ARMC3: variants seen among roughly 807,000 people sequenced by gnomAD.
The protein encoded by ARMC3 is armadillo repeat containing 3, also known as armadillo repeat-containing protein 3.
In ARMC3, 74 loss-of-function variants were observed where a neutral mutation model predicts 90.3. That is an observed-to-expected ratio of 0.82 (90% CI 0.68 to 0.99). The LOEUF (loss-of-function observed/expected upper bound fraction) is 0.99. Ranked by LOEUF, ARMC3 falls within the 50% of genes least tolerant of loss-of-function variation. The pLI is 0.00. For synonymous variants in ARMC3, 334 were observed against 361.8 expected (o/e 0.92, Z 0.87); for missense variants, 958 against 1,042.8 (o/e 0.92, Z 1.12).
intron 8 of ARMC3, among the ~76,000 whole-genome samples, chr10:22,976,978 T>A (rs1177344614): frequency 6.6e-6 from 1 of 152,238 alleles, no homozygotes; most frequent in Non-Finnish European, 1.5e-5. Flanking sequence ...TCTTCTATTT[T>A]ACACAAGCAC....
intron 10 of ARMC3, among the ~76,000 whole-genome samples, chr10:22,994,120 G>A (rs1427654585): frequency 6.6e-6 from 1 of 152,212 alleles, no homozygotes. Flanking sequence ...CTGAGCTCAT[G>A]TTAAAAAGAA....
chr10:22,949,421 G>A (rs1385643509), intron 3 of ARMC3, among the ~76,000 whole-genome samples: 1 of 152,144 alleles, frequency 6.6e-6, no homozygotes, highest in African/African-American at 2.4e-5. Context: ...GAAGCTATAA[G>A]ACAGATCCAA....
intron 10 of ARMC3, among the ~76,000 whole-genome samples, chr10:22,986,695 TAAAAC>T (rs780334149): frequency 2.2e-4 from 33 of 152,304 alleles, no homozygotes; most frequent in Non-Finnish European, 4.0e-4. Flanking sequence ...GGCCATTACT[TAAAAC>T]AGAAAGCAAT....
At chr10:22,929,436 A>T (rs1345508790) in intron 1 of ARMC3, among the ~76,000 whole-genome samples, 3 of 152,196 alleles carry the variant, frequency 2.0e-5, no homozygotes, top group Non-Finnish European at 4.4e-5. Context: ...CTCCACAGTG[A>T]AATGTATTAC....
chr10:22,931,166 A>G (rs1385346456), intron 1 of ARMC3, among the ~76,000 whole-genome samples: 1 of 152,134 alleles, frequency 6.6e-6, no homozygotes, highest in African/African-American at 2.4e-5. Context: ...TGACCTCGTG[A>G]TTCGCCCACC....
chr10:22,952,466 A>G (rs1588834477), intron 3 of ARMC3, among the ~76,000 whole-genome samples: 1 of 152,198 alleles, frequency 6.6e-6, no homozygotes, highest in African/African-American at 2.4e-5. Context: ...CAAGACATAA[A>G]TTTCCAAGCT....
At chr10:22,940,875 T>A (rs1455935283) in intron 2 of ARMC3, among the ~76,000 whole-genome samples, 6 of 152,200 alleles carry the variant, frequency 3.9e-5, no homozygotes, top group Non-Finnish European at 5.9e-5. Flanking sequence ...ATGAAAACAT[T>A]TGTCCATAAC....
chr10:22,990,561 A>AT (rs1205518342), intron 10 of ARMC3, among the ~76,000 whole-genome samples: 5 of 152,180 alleles, frequency 3.3e-5, no homozygotes, highest in Non-Finnish European at 5.9e-5. Flanking sequence ...TGAGTGGAAT[A>AT]TATCATTAAA....
intron 3 of ARMC3, among the ~76,000 whole-genome samples, chr10:22,949,224 A>G (rs1165416369): frequency 2.0e-5 from 3 of 152,230 alleles, no homozygotes; most frequent in Admixed American, 2.0e-4. Context: ...ATTGCCCAAG[A>G]AGGTAAAATT....
At position 22,932,161 on chromosome 10, in the gene ARMC3, G is replaced by A. The variant is rs576849796; in HGVS notation, c.48+117G>A. Reference sequence around the variant, plus strand: ...GAATACGCGGTGGCAGAAGTCCAAAGTCTGACTAATGATAAGATTAGTCAG... The same window carrying A: ...GAATACGCGGTGGCAGAAGTCCAAAATCTGACTAATGATAAGATTAGTCAG... On this transcript the variant is annotated intron_variant, in intron 2 of 18. Transcript: ENST00000298032. 42 of 680,212 alleles carry A rather than the reference G, an allele frequency of 6.2e-5. No homozygotes were observed. The South Asian group carries it at 1.0e-3, about 17-fold the overall frequency. 42.1% of individuals were successfully genotyped at this position (680,212 alleles called of 1,614,324 possible). A position where few individuals can be genotyped will look rare whatever the true frequency, so the allele number is the denominator to read the frequency against.
chr10:23,002,998 A>G (rs1366862652), intron 12 of ARMC3, among the ~76,000 whole-genome samples: 2 of 152,242 alleles, frequency 1.3e-5, no homozygotes, highest in Non-Finnish European at 2.9e-5. Flanking sequence ...TTAGATGAAC[A>G]AAGAACTTTT....
intron 8 of ARMC3, among the ~76,000 whole-genome samples, chr10:22,973,333 TA>T (rs1441429498): frequency 4.9e-5 from 7 of 143,726 alleles, no homozygotes; most frequent in Admixed American, 6.9e-5. Flanking sequence ...ATAATAATAA[TA>T]AATCCTAACA....
chr10:22,940,686 A>G (rs1050016821), intron 2 of ARMC3, among the ~76,000 whole-genome samples: 1 of 151,910 alleles, frequency 6.6e-6, no homozygotes, highest in African/African-American at 2.4e-5. Context: ...GGGTCTCACT[A>G]TGTTGCCCAG....
chr10:23,009,988 G>T (rs914152772), intron 16 of ARMC3, among the ~76,000 whole-genome samples: 2 of 152,050 alleles, frequency 1.3e-5, no homozygotes, highest in African/African-American at 4.8e-5. Flanking sequence ...CGTACGCAGT[G>T]GTTTGCCCTC....
intron 16 of ARMC3, among the ~76,000 whole-genome samples, chr10:23,019,514 TTC>T (rs1342708305): frequency 6.6e-6 from 1 of 152,148 alleles, no homozygotes; most frequent in Non-Finnish European, 1.5e-5. Context: ...TTTCTATTTG[TTC>T]TCTGTTACTG....
At chr10:23,011,492 T>A (rs1207787604) in intron 16 of ARMC3, among the ~76,000 whole-genome samples, 1 of 152,210 alleles carries the variant, frequency 6.6e-6, no homozygotes, top group Non-Finnish European at 1.5e-5. Context: ...ATTATTGTTG[T>A]ACTAAAAAGT....
At chr10:22,987,158 G>A (rs188144497) in intron 10 of ARMC3, among the ~76,000 whole-genome samples, 15 of 152,142 alleles carry the variant, frequency 9.9e-5, no homozygotes, top group South Asian at 2.1e-4. Context: ...CGAGAAAACC[G>A]TTTATTTTTG....
At chr10:23,018,624 C>T (rs1402090939) in intron 16 of ARMC3, among the ~76,000 whole-genome samples, 1 of 147,872 alleles carries the variant, frequency 6.8e-6, no homozygotes, top group Non-Finnish European at 1.5e-5. Flanking sequence ...TCAAGCCATT[C>T]TCCTGCCTTA....
At chr10:23,012,792 A>G (rs1838075163) in intron 16 of ARMC3, among the ~76,000 whole-genome samples, 1 of 151,730 alleles carries the variant, frequency 6.6e-6, no homozygotes, top group South Asian at 2.1e-4. Flanking sequence ...ATTCAATCAC[A>G]TCAACCTCCT....
Sources: allele counts gnomAD v4.1 joint callset (sites outside exome capture counted in the v4.1 genomes callset), GRCh38; gene constraint gnomAD v4.1.1; transcripts MANE v1.5; gene names NCBI Gene and HGNC (gene_info 2026-07-23, HGNC 2026-07-21).